The following ACCSL variants were observed in gnomAD, a reference collection of about 807,000 sequenced individuals.
The protein encoded by ACCSL is 1-aminocyclopropane-1-carboxylate synthase homolog (inactive) like.
A neutral mutation model predicts 61.7 loss-of-function variants in ACCSL; 55 were observed. That is an observed-to-expected ratio of 0.89 (90% CI 0.72 to 1.12). The LOEUF (loss-of-function observed/expected upper bound fraction) is 1.12, where lower values mean the gene tolerates loss of function less well. ACCSL is among the 50% of genes most tolerant of loss of function. The pLI is 0.00. For synonymous variants in ACCSL, 258 were observed against 264.3 expected, an observed-to-expected ratio of 0.98 and a Z score of 0.23; for missense variants, 632 against 698.0, an observed-to-expected ratio of 0.91 and a Z score of 1.07.
rs768407875 is a variant in ACCSL at position 44,058,602 on chromosome 11, C to A, written c.1527C>A (p.Asp509Glu). The change falls in exon 13 of 14, where the codon GAC (aspartate) becomes GAA (glutamate). Residue 509 changes from aspartate to glutamate, a missense_variant. Coordinates refer to ENST00000378832, the MANE Select transcript of ACCSL (RefSeq NM_001031854.2). ...GGCTCCTCTATTGCCGCTTCCTGGA[C>A]AACAAGCTATTGTTATCCCGTGGCA... Reference protein sequence around the residue: ...EERLLYCRFLDNKLLLSRGKT... With the variant: ...EERLLYCRFLENKLLLSRGKT... 1 of 1,614,124 alleles carries A rather than the reference C, an allele frequency of 6.2e-7. No individual in the cohort carries two copies. Among genetic ancestry groups the A allele is most frequent in the East Asian group, 2.2e-5 (1 of 44,878 alleles).
At chr11:43,926,452 C>CAGA in the ACCSL span, 1 of 455,062 alleles carries the variant, frequency 2.2e-6, no homozygotes. Context: ...AAACTCTGTA[C>CAGA]AGAACGCCTT....
At chr11:43,942,446 C>A in the ACCSL span, 2 of 212,664 alleles carry the variant, frequency 9.4e-6, no homozygotes, top group South Asian at 4.5e-5. Flanking sequence ...GCGGGGCCTG[C>A]CTTCCGGAGC....
the ACCSL span, among the ~76,000 whole-genome samples, chr11:43,928,879 T>C: frequency 1.3e-5 from 2 of 152,090 alleles, no homozygotes; most frequent in Non-Finnish European, 2.9e-5. Flanking sequence ...CTCTCCTCAT[T>C]GCAACACAAG....
At chr11:44,046,049 C>T (rs556120781), upstream of ACCSL, among the ~76,000 whole-genome samples, 11 of 152,288 alleles carry the variant, frequency 7.2e-5, no homozygotes, top group South Asian at 1.9e-3. Flanking sequence ...GGAATCTCAC[C>T]TGGCCCTTGC....
At chr11:44,043,295 C>A (rs565884313), upstream of ACCSL, among the ~76,000 whole-genome samples, 3 of 152,228 alleles carry the variant, frequency 2.0e-5, no homozygotes, top group South Asian at 6.2e-4. Flanking sequence ...GTTTCCTACA[C>A]GCCTCCCCTG....
chr11:43,950,410 A>G, the ACCSL span, among the ~76,000 whole-genome samples: 1 of 152,218 alleles, frequency 6.6e-6, no homozygotes, highest in Non-Finnish European at 1.5e-5. Flanking sequence ...AGGGACTCCC[A>G]CATAGACTCT....
At chr11:43,937,421 G>A in the ACCSL span, among the ~76,000 whole-genome samples, 13 of 152,322 alleles carry the variant, frequency 8.5e-5, no homozygotes, top group South Asian at 1.5e-3. Flanking sequence ...ACTCTGCAGG[G>A]CAGACAGTCA....
rs776538606 is a variant in ACCSL, at chr11:44,059,888, G to A, written c.1675G>A (p.Val559Met). The A allele has an allele frequency of 1.5e-5, 25 of 1,613,866 alleles. No individual in the cohort carries two copies. Among genetic ancestry groups the A allele is most frequent in the Non-Finnish European group, 1.9e-5 (23 of 1,179,884 alleles). Residue 559 changes from valine to methionine, a missense_variant, in exon 14 of 14, where the codon GTG becomes ATG. Val to Met is a conservative substitution (Grantham distance 21, BLOSUM62 1). Transcript: ENST00000378832. Reference protein sequence around the residue: ...VLQEQKEALIVKQLEDAMRE With the variant: ...VLQEQKEALIMKQLEDAMRE ...GCAGGAGCAGAAGGAGGCTTTGATA[G>A]TGAAGCAGTTGGAGGATGCAATGAG... is the stretch of plus-strand genomic sequence containing the variant.
chr11:43,983,719 CTGCCTA>C, the ACCSL span, among the ~76,000 whole-genome samples: 1 of 129,060 alleles, frequency 7.7e-6, no homozygotes, highest in African/African-American at 3.0e-5. Flanking sequence ...CCTCAAACCA[CTGCCTA>C]TGGCTTGGGT....
the ACCSL span, among the ~76,000 whole-genome samples, chr11:43,961,867 A>T: frequency 6.6e-6 from 1 of 152,144 alleles, no homozygotes; most frequent in African/African-American, 2.4e-5. Flanking sequence ...TTGTAACTTT[A>T]CTTCATCCTC....
At chr11:43,970,254 G>GGAGT in the ACCSL span, among the ~76,000 whole-genome samples, 1 of 152,122 alleles carries the variant, frequency 6.6e-6, no homozygotes, top group African/African-American at 2.4e-5. Flanking sequence ...CTCTCAGGCT[G>GGAGT]GAGTGCAGTA....
At chr11:43,977,774 G>A in the ACCSL span, among the ~76,000 whole-genome samples, 1 of 152,328 alleles carries the variant, frequency 6.6e-6, no homozygotes, top group East Asian at 1.9e-4. Flanking sequence ...AGTAGCCTCT[G>A]GTGGTGGAGT....
At chr11:43,933,002 A>G in the ACCSL span, 1 of 451,464 alleles carries the variant, frequency 2.2e-6, no homozygotes, top group Middle Eastern at 6.6e-4. Flanking sequence ...TGCGCTGTGT[A>G]GCTGGGGCTT....
the ACCSL span, among the ~76,000 whole-genome samples, chr11:43,966,617 T>C: frequency 6.6e-6 from 1 of 152,148 alleles, no homozygotes; most frequent in Non-Finnish European, 1.5e-5. Context: ...AATTAAAAAA[T>C]GTGCAAAGGA....
chr11:44,031,992 G>A, the ACCSL span, among the ~76,000 whole-genome samples: 3 of 152,168 alleles, frequency 2.0e-5, no homozygotes, highest in South Asian at 2.1e-4. Flanking sequence ...AGTCAGCATC[G>A]GTGAAATGGG....
the ACCSL span, among the ~76,000 whole-genome samples, chr11:44,010,843 G>T: frequency 4.6e-4 from 70 of 152,340 alleles, no homozygotes; most frequent in African/African-American, 1.6e-3. Context: ...TCTTGCTGAT[G>T]TGAGAGCTAG....
Position 44,052,991 on chromosome 11 carries a change from G to C in ACCSL, c.871G>C (p.Val291Leu), listed in dbSNP as rs898417809. 3 of 1,613,492 alleles carry C rather than the reference G, an allele frequency of 1.9e-6. No individual in the cohort carries two copies. Among genetic ancestry groups the C allele is most frequent in the Non-Finnish European group, 2.5e-6 (3 of 1,179,550 alleles). Residue 291 changes from valine to leucine, a missense_variant and splice_region_variant, in exon 7 of 14, where the codon GTC becomes CTC. By Grantham distance (32) the Val-to-Leu change is conservative. Coordinates refer to ENST00000378832, the MANE Select transcript of ACCSL (RefSeq NM_001031854.2). The part of the protein sequence containing the change: ...ELIPVHLESE[V>L]TVTNTHPFQL... ...TTCTCACATAGTGTTTCTCTTCCAG[G>C]TCACTGTTACAAACACCCATCCTTT... is the stretch of plus-strand genomic sequence containing the variant.
At position 44,052,775 on chromosome 11, in the gene ACCSL, C is replaced by T. The variant is rs766587982; in HGVS notation, c.870+16C>T. 9 of 1,606,420 alleles carry T rather than the reference C, an allele frequency of 5.6e-6. No homozygotes were observed. The highest frequency in any genetic ancestry group is 7.7e-6 in the Non-Finnish European group (9 of 1,173,032). On this transcript the variant is annotated intron_variant, in intron 6 of 13. Transcript: ENST00000378832. Reference sequence around the variant, plus strand: ...GGAGAGTGAGGTCTGAATGGGGCCCCTTCCCTGCTCAGTATGCCTAGACAA... The same window carrying T: ...GGAGAGTGAGGTCTGAATGGGGCCCTTTCCCTGCTCAGTATGCCTAGACAA...
intron 2 of ACCSL, 139 bp from the exon 3 acceptor site, chr11:44,050,413 G>A (rs1952629225): frequency 1.4e-6 from 1 of 740,542 alleles, no homozygotes; most frequent in Non-Finnish European, 2.3e-6. Context: ...ATTCATTAAG[G>A]AGCATGCAGT....
Sources: allele counts gnomAD v4.1 joint callset (sites outside exome capture counted in the v4.1 genomes callset), GRCh38; gene constraint gnomAD v4.1.1; transcripts MANE v1.5; gene names NCBI Gene and HGNC (gene_info 2026-07-23, HGNC 2026-07-21).